Variants in TACC2 observed in about 807,000 individuals in gnomAD.
The protein encoded by TACC2 is transforming acidic coiled-coil containing protein 2.
TACC2 carries 137 observed loss-of-function variants against 227.3 expected under a neutral mutation model. That is an observed-to-expected ratio of 0.60 (90% CI 0.52 to 0.69). The LOEUF (loss-of-function observed/expected upper bound fraction) is 0.69, where lower values mean the gene tolerates loss of function less well. Among genes scored for constraint, TACC2 ranks in the 30% least tolerant of loss-of-function variants. The probability of loss-of-function intolerance (pLI) is 0.00; values close to 1 mark genes in which losing one functional copy is unlikely to be tolerated. For missense variants in TACC2, 3,470 were observed against 3,694.4 expected, an observed-to-expected ratio of 0.94 and a Z score of 1.57; for synonymous variants, 1,523 against 1,487.5, an observed-to-expected ratio of 1.02 and a Z score of -0.55.
intron 11 of TACC2, among the ~76,000 whole-genome samples, 191 bp from the exon 12 acceptor site, chr10:122,224,535 T>C (rs2095585206): frequency 1.3e-5 from 2 of 152,160 alleles, no homozygotes; most frequent in South Asian, 4.2e-4. Context: ...ATTTACCGTT[T>C]GTCTGAAAAT....
Position 122,248,714 on chromosome 10 carries a change from C to G in TACC2, c.8464C>G (p.Leu2822Val), listed in dbSNP as rs780436891. Residue 2822 changes from leucine to valine, a missense_variant, in exon 20 of 23, where the codon CTG becomes GTG. Transcript: ENST00000369005. The part of the protein sequence containing the change: ...QQLVLEKEQA[L>V]ADLNSVEKSL... The stretch of plus-strand genomic sequence containing the variant: ...GCTGGTTCTGGAGAAGGAGCAAGCC[C>G]TGGCCGACCTGAACTCCGTGGAGAA... 6.2e-7 allele frequency: 1 copy of G among 1,614,122 alleles called. No homozygotes were observed.
intron 7 of TACC2, among the ~76,000 whole-genome samples, chr10:122,157,913 C>T (rs565665496): frequency 1.7e-4 from 26 of 151,240 alleles, no homozygotes; most frequent in African/African-American, 4.1e-4. Context: ...TCTTTTCGAA[C>T]GTGGTATGTG....
rs116497232 is a variant in TACC2 at position 122,032,262 on chromosome 10, A to G, written c.33+10248A>G. 2.8e-3 allele frequency among the ~76,000 whole-genome samples: 424 copies of G among 152,040 alleles called. 4 individuals carry two copies. Among genetic ancestry groups the G allele is most frequent in the African/African-American group, 9.3e-3 (388 of 41,500 alleles). On this transcript the variant is annotated intron_variant, in intron 2 of 22. Coordinates refer to ENST00000369005, the MANE Select transcript of TACC2 (RefSeq NM_206862.4). ...TTTTCTAACAGTTTTTCTGCTCCCC[A>G]TCCCTGCTGTCACAACTCTACCCTC...
chr10:122,198,020 C>T (rs141282109), intron 8 of TACC2, among the ~76,000 whole-genome samples: 13 of 152,328 alleles, frequency 8.5e-5, no homozygotes, highest in South Asian at 2.1e-4. Context: ...GCACAGTGCC[C>T]GGGATGTTGC....
At chr10:122,216,335 G>A (rs915943687) in intron 10 of TACC2, among the ~76,000 whole-genome samples, 1 of 151,918 alleles carries the variant, frequency 6.6e-6, no homozygotes, top group Non-Finnish European at 1.5e-5. Context: ...AGTCACAGTC[G>A]TAAAACTAGC....
Position 122,008,264 on chromosome 10 carries a change from A to ATTATTTTTTTTTTTT in TACC2, c.-45-13671_-45-13670insATTTTTTTTTTTTTT. ...TCCCTTTGTTATTATTATTATTATTATTTTTTTTTTTTGAGACAGAATTTT... is the reference window on the plus strand; with the variant it reads ...TCCCTTTGTTATTATTATTATTATTATTATTTTTTTTTTTTTTTTTTTTTTTTGAGACAGAATTTT... On this transcript the variant is annotated intron_variant, in intron 1 of 22. Coordinates refer to ENST00000369005, the MANE Select transcript of TACC2 (RefSeq NM_206862.4). 3.5e-3 allele frequency among the ~76,000 whole-genome samples: 471 copies of ATTATTTTTTTTTTTT among 134,462 alleles called. 2 individuals are homozygous for ATTATTTTTTTTTTTT. The highest frequency in any genetic ancestry group is 5.7e-3 in the Non-Finnish European group (368 of 64,296). 88.2% of individuals were successfully genotyped at this position (134,462 alleles called of 152,430 possible). A position where few individuals can be genotyped will look rare whatever the true frequency, so the allele number is the denominator to read the frequency against.
At chr10:122,195,611 G>T (rs1440039709) in intron 8 of TACC2, among the ~76,000 whole-genome samples, 1 of 152,190 alleles carries the variant, frequency 6.6e-6, no homozygotes, top group East Asian at 1.9e-4. Flanking sequence ...ATGGTGGTTT[G>T]TTTATTCCTC....
intron 7 of TACC2, among the ~76,000 whole-genome samples, chr10:122,188,132 A>G (rs1215150649): frequency 6.6e-6 from 1 of 152,142 alleles, no homozygotes; most frequent in South Asian, 2.1e-4. Flanking sequence ...GGAGCCAAGT[A>G]GATACTCCCT....
In TACC2 at chr10:122,141,913, T is replaced by C. The variant is rs971697593; in HGVS notation, c.5700-1659T>C. The stretch of plus-strand genomic sequence containing the variant: ...TTGTAAGTGGTCCATTTGCCGATTA[T>C]GAGTACATGTCAGCCTCCAAAGTGC... On this transcript the variant is annotated intron_variant, in intron 6 of 22. Transcript: ENST00000369005. This position sits in a 1 kb window ranked among gnomAD's most constrained non-coding sequence, Gnocchi z 4.3. 3.3e-5 allele frequency among the ~76,000 whole-genome samples: 5 copies of C among 152,230 alleles called. No individual in the cohort carries two copies. Among genetic ancestry groups the C allele is most frequent in the Non-Finnish European group, 1.5e-5 (1 of 68,040 alleles).
chr10:122,213,399 T>C, intron 9 of TACC2: 2 of 1,610,860 alleles, frequency 1.2e-6, no homozygotes, highest in Non-Finnish European at 1.7e-6. Flanking sequence ...TAATGCAATC[T>C]GCCTCTTATG....
At chr10:122,079,365 A>G (rs1391338958) in intron 3 of TACC2, among the ~76,000 whole-genome samples, 2 of 152,154 alleles carry the variant, frequency 1.3e-5, no homozygotes, top group African/African-American at 2.4e-5. Context: ...AGGGCTCTCC[A>G]TGGGCCCATC....
intron 7 of TACC2, among the ~76,000 whole-genome samples, chr10:122,167,117 AC>A (rs1350616835): frequency 3.3e-5 from 5 of 152,122 alleles, no homozygotes; most frequent in African/African-American, 1.2e-4. Context: ...ACTGAAAACC[AC>A]CCAGGGGGCC....
intron 3 of TACC2, among the ~76,000 whole-genome samples, chr10:122,061,243 G>A (rs1415720377): frequency 3.0e-5 from 4 of 132,774 alleles, no homozygotes; most frequent in African/African-American, 8.6e-5. Context: ...CCCGGGAGGC[G>A]GAGCTTGCAG....
intron 7 of TACC2, among the ~76,000 whole-genome samples, chr10:122,167,652 G>C (rs1351016256): frequency 1.3e-5 from 2 of 152,140 alleles, no homozygotes; most frequent in African/African-American, 4.8e-5. Flanking sequence ...TTTTCTTTGG[G>C]AGCTGTAGAG....
rs1342604887 is a variant in TACC2 at position 122,210,704 on chromosome 10, C to T, written c.6279C>T (p.Asp2093=). 6.2e-7 allele frequency: 1 copy of T among 1,614,020 alleles called. No homozygotes were observed. Among genetic ancestry groups the T allele is most frequent in the African/African-American group, 1.3e-5 (1 of 74,916 alleles). The change falls in exon 9 of 23, where the codon GAC becomes GAT. Residue 2093 remains aspartate, a synonymous_variant. Coordinates refer to ENST00000369005, the MANE Select transcript of TACC2 (RefSeq NM_206862.4). This position sits in a 1 kb window ranked among gnomAD's most constrained non-coding sequence, Gnocchi z 4.6. Reference sequence around the variant, plus strand: ...GGTCGCTCAGCCTGCAAGCCAGTGACTTTGATGGTGCTTCTTCCTCAGGCA... The same window carrying T: ...GGTCGCTCAGCCTGCAAGCCAGTGATTTTGATGGTGCTTCTTCCTCAGGCA... ...LSRSLSLQAS[D]FDGASSSGNP...
chr10:121,995,007 T>C (rs1953257714), intron 1 of TACC2, among the ~76,000 whole-genome samples: 1 of 152,210 alleles, frequency 6.6e-6, no homozygotes, highest in African/African-American at 2.4e-5. Context: ...TTCTGGCCTC[T>C]GTTGTGATTC....
intron 7 of TACC2, among the ~76,000 whole-genome samples, chr10:122,176,115 C>CTATATATATATATATA (rs1232356115): frequency 4.2e-5 from 2 of 47,188 alleles, no homozygotes; most frequent in Admixed American, 2.1e-4. Flanking sequence ...CTCTCTCTCT[C>CTATATATATATATATA]TCTATATATA....
chr10:122,060,472 A>C (rs1021516861), intron 3 of TACC2, among the ~76,000 whole-genome samples: 1 of 152,238 alleles, frequency 6.6e-6, no homozygotes, highest in Non-Finnish European at 1.5e-5. Context: ...TCAATACCAC[A>C]GGAATGCTGT....
chr10:122,190,865 C>T (rs1400791473), intron 7 of TACC2, among the ~76,000 whole-genome samples: 1 of 152,166 alleles, frequency 6.6e-6, no homozygotes, highest in Non-Finnish European at 1.5e-5. Flanking sequence ...GGACCTTATA[C>T]AAGCATATTG....
Sources: allele counts gnomAD v4.1 joint callset (sites outside exome capture counted in the v4.1 genomes callset), GRCh38; gene constraint gnomAD v4.1.1; non-coding constraint Gnocchi (gnomAD v3.1); transcripts MANE v1.5; gene names NCBI Gene and HGNC (gene_info 2026-07-23, HGNC 2026-07-21).